TRIM33: variants seen among roughly 807,000 people sequenced by gnomAD.
TRIM33 encodes E3 ubiquitin-protein ligase TRIM33.
In TRIM33, 20 loss-of-function variants were observed where a neutral mutation model predicts 125.4. The ratio of observed to expected loss-of-function variants is 0.16; its 90% CI spans 0.11 to 0.23. The LOEUF (loss-of-function observed/expected upper bound fraction) is 0.23, where lower values mean the gene tolerates loss of function less well. Ranked by LOEUF, TRIM33 falls within the 10% of genes least tolerant of loss-of-function variation. The probability of loss-of-function intolerance (pLI) is 1.00; values close to 1 mark genes in which losing one functional copy is unlikely to be tolerated. For missense variants in TRIM33, 920 were observed against 1,411.4 expected (o/e 0.65, Z 5.58); for synonymous variants, 564 against 513.9 (o/e 1.10, Z -1.32).
At chr1:114,470,963 T>C (rs1650602431) in intron 1 of TRIM33, among the ~76,000 whole-genome samples, 1 of 152,188 alleles carries the variant, frequency 6.6e-6, no homozygotes, top group South Asian at 2.1e-4. Context: ...CATGCCCAAC[T>C]AATTTTTTGA....
intron 18 of TRIM33, among the ~76,000 whole-genome samples, chr1:114,399,199 TC>T (rs1651728267): frequency 6.6e-6 from 1 of 152,046 alleles, no homozygotes; most frequent in Non-Finnish European, 1.5e-5. Flanking sequence ...GACAGTACTT[TC>T]CATACTTATG....
intron 3 of TRIM33, 22 bp downstream of exon 3, chr1:114,463,390 G>A: frequency 3.1e-6 from 5 of 1,602,316 alleles, no homozygotes; most frequent in Non-Finnish European, 4.3e-6. Context: ...TCATTGTAAT[G>A]ATTACAATGC....
At chr1:114,419,684 G>A (rs1233358853) in intron 11 of TRIM33, among the ~76,000 whole-genome samples, 2 of 152,184 alleles carry the variant, frequency 1.3e-5, no homozygotes, top group African/African-American at 4.8e-5. Flanking sequence ...CAATATGTTA[G>A]TGATTTCTGA....
At chr1:114,431,831 A>G (rs1475033063) in intron 5 of TRIM33, among the ~76,000 whole-genome samples, 1 of 152,144 alleles carries the variant, frequency 6.6e-6, no homozygotes, top group Non-Finnish European at 1.5e-5. Flanking sequence ...TACTAAGGTG[A>G]GTGGAAGATA....
chr1:114,425,180 C>CA (rs1647485761), intron 9 of TRIM33, among the ~76,000 whole-genome samples: 2 of 152,000 alleles, frequency 1.3e-5, no homozygotes, highest in Non-Finnish European at 2.9e-5. Context: ...ACGTGGAAAA[C>CA]AAAAAAGATT....
intron 1 of TRIM33, among the ~76,000 whole-genome samples, chr1:114,502,990 T>C (rs536460838): frequency 3.9e-5 from 6 of 152,342 alleles, no homozygotes; most frequent in African/African-American, 1.4e-4. Flanking sequence ...TTGAAGAATA[T>C]AAAGAAAATC....
chr1:114,479,585 C>T (rs1183889493), intron 1 of TRIM33, among the ~76,000 whole-genome samples: 1 of 152,124 alleles, frequency 6.6e-6, no homozygotes, highest in Non-Finnish European at 1.5e-5. Flanking sequence ...GAGAAAGTCA[C>T]ACTTAGCATA....
At chr1:114,407,221 T>G in intron 13 of TRIM33, 121 bp from the exon 14 acceptor site, 1 of 800,360 alleles carries the variant, frequency 1.2e-6, no homozygotes, top group Non-Finnish European at 1.9e-6. Flanking sequence ...TTACAGAAGA[T>G]AAGGATACCT....
chr1:114,415,749 G>A (rs1402224749), intron 11 of TRIM33, among the ~76,000 whole-genome samples: 1 of 151,966 alleles, frequency 6.6e-6, no homozygotes, highest in East Asian at 1.9e-4. Flanking sequence ...TCAGGAGTTC[G>A]AGACCAGCCT....
Position 114,421,583 on chromosome 1 carries a change from G to C in TRIM33, c.1914C>G (p.Thr638=), listed in dbSNP as rs527934686. Residue 638 remains threonine, a synonymous_variant, in exon 11 of 20, where the codon ACC becomes ACG. Transcript: ENST00000358465. ...GPFPVVSVHN[T]TINPTSPTTA... is the part of the protein sequence containing the mutation. Reference sequence around the variant, plus strand: ...TAGTAGGGCTCGTTGGGTTGATTGTGGTGTTGTGTACCGATACTACGGGAA... The same window carrying C: ...TAGTAGGGCTCGTTGGGTTGATTGTCGTGTTGTGTACCGATACTACGGGAA... 2.8e-4 allele frequency: 445 copies of C among 1,614,098 alleles called. 1 individual carries two copies. The South Asian group carries it at 4.7e-3, about 17-fold the overall frequency.
intron 4 of TRIM33, among the ~76,000 whole-genome samples, chr1:114,443,226 A>G (rs1458190874): frequency 2.0e-5 from 3 of 151,734 alleles, no homozygotes; most frequent in Non-Finnish European, 2.9e-5. Flanking sequence ...TACTAAAAAT[A>G]CAAAAAAATT....
chr1:114,409,385 C>A (rs1450824997), intron 12 of TRIM33, among the ~76,000 whole-genome samples: 1 of 152,154 alleles, frequency 6.6e-6, no homozygotes, highest in Non-Finnish European at 1.5e-5. Context: ...TAGTTTTCAG[C>A]AAAATGTTTA....
At position 114,489,353 on chromosome 1, in the gene TRIM33, TAAG is replaced by T. The variant is rs562920171; in HGVS notation, c.526+21195_526+21197del. Among the ~76,000 whole-genome samples the T allele has an allele frequency of 4.3e-4, 66 of 152,256 alleles. No individual in the cohort carries two copies. The South Asian group carries it at 0.012, about 28-fold the overall frequency. ...ACTGTAAAGCTCTTAAAAGAAAACA[TAAG>T]AATACATCTTCATGACCTTGGATTA... On this transcript the variant is annotated intron_variant, in intron 1 of 19. Coordinates refer to ENST00000358465, the MANE Select transcript of TRIM33 (RefSeq NM_015906.4).
rs113222644 is a variant in TRIM33 at position 114,491,427 on chromosome 1, A to G, written c.526+19124T>C. ...AGGAAATGCAGGATTAGGTTCCTGC[A>G]AGCCTCCGGTCACAAAATTTTCATC... On this transcript the variant is annotated intron_variant, in intron 1 of 19. Transcript: ENST00000358465. Among the ~76,000 whole-genome samples the G allele has an allele frequency of 1.9e-3, 292 of 152,356 alleles. 1 individual carries two copies. The highest frequency in any genetic ancestry group is 6.6e-3 in the African/African-American group (275 of 41,586).
At chr1:114,505,880 A>G (rs943050178) in intron 1 of TRIM33, among the ~76,000 whole-genome samples, 2 of 152,138 alleles carry the variant, frequency 1.3e-5, no homozygotes, top group African/African-American at 2.4e-5. Context: ...CAGTAAGTTG[A>G]AGAATTCAGT....
At chr1:114,424,993 T>C (rs1206518860) in intron 9 of TRIM33, among the ~76,000 whole-genome samples, 2 of 152,168 alleles carry the variant, frequency 1.3e-5, no homozygotes, top group African/African-American at 2.4e-5. Context: ...TTTTTCTCTA[T>C]ATGTGTGTTT....
chr1:114,474,392 G>A (rs1247558551), intron 1 of TRIM33, among the ~76,000 whole-genome samples: 2 of 147,214 alleles, frequency 1.4e-5, no homozygotes, highest in African/African-American at 5.0e-5. Context: ...ACACAGCAAG[G>A]CCCCATTTCT....
intron 6 of TRIM33, among the ~76,000 whole-genome samples, chr1:114,428,304 G>A (rs1267969505): frequency 6.6e-6 from 1 of 152,206 alleles, no homozygotes. Context: ...GGTATGGCAT[G>A]AGAATGAAGT....
chr1:114,444,106 CAG>C (rs1553212899), intron 4 of TRIM33, among the ~76,000 whole-genome samples: 1 of 152,102 alleles, frequency 6.6e-6, no homozygotes, highest in Non-Finnish European at 1.5e-5. Context: ...ATAACTGGAA[CAG>C]GGGGCTAGAG....
Sources: gnomAD v4.1 joint callset for allele counts (sites outside exome capture counted in the v4.1 genomes callset) on GRCh38, gnomAD v4.1.1 for gene constraint, MANE v1.5 for transcripts, NCBI Gene and HGNC (gene_info 2026-07-23, HGNC 2026-07-21) for gene names.